Variants in EPHX4 observed in about 807,000 individuals in gnomAD.
EPHX4 encodes epoxide hydrolase 4, also known as abhydrolase domain containing 7.
EPHX4 carries 31 observed loss-of-function variants against 44.9 expected under a neutral mutation model. That is an observed-to-expected ratio of 0.69 (90% CI 0.52 to 0.93). The LOEUF is 0.93. Among genes scored for constraint, EPHX4 ranks in the 40% least tolerant of loss-of-function variants. The probability of loss-of-function intolerance (pLI) is 0.00; values close to 1 mark genes in which losing one functional copy is unlikely to be tolerated. For missense variants in EPHX4, 373 were observed against 438.1 expected (o/e 0.85, Z 1.33); for synonymous variants, 151 against 159.7 (o/e 0.95, Z 0.41).
chr1:92,063,401 A>T lies in EPHX4; in HGVS notation c.*115A>T. On this transcript the variant is annotated 3_prime_UTR_variant, in exon 7 of 7. Transcript: ENST00000370383. Reference sequence around the variant, plus strand: ...AAAAACTGTTTTAATGTGCTTTATCATAAATAAATATCCTGACAAATGGTA... The same window carrying T: ...AAAAACTGTTTTAATGTGCTTTATCTTAAATAAATATCCTGACAAATGGTA... The T allele has an allele frequency of 1.4e-6, 1 of 736,586 alleles. No individual in the cohort carries two copies. The highest frequency in any genetic ancestry group is 2.8e-5 in the East Asian group (1 of 36,346). 45.6% of individuals were successfully genotyped at this position (736,586 alleles called of 1,614,324 possible).
At position 92,033,630 on chromosome 1, in the gene EPHX4, T is replaced by G. The variant is rs1382936021; in HGVS notation, c.317+1040T>G. Among the ~76,000 whole-genome samples, 4 of 152,186 alleles carry G rather than the reference T, an allele frequency of 2.6e-5. No individual in the cohort carries two copies. The East Asian group carries it at 7.7e-4, about 29-fold the overall frequency. ...AGGATAATTTAAGTACCTAAATATT[T>G]CTCATTAGGAAGAAAATCTGGAGCC... On this transcript the variant is annotated intron_variant, in intron 2 of 6. Transcript: ENST00000370383.
chr1:92,056,783 T>C (rs1317937294), intron 6 of EPHX4, among the ~76,000 whole-genome samples: 1 of 151,962 alleles, frequency 6.6e-6, no homozygotes, highest in African/African-American at 2.4e-5. Flanking sequence ...ACCCAGCCTA[T>C]TCAAACATGT....
At chr1:92,033,474 C>A (rs1233206766) in intron 2 of EPHX4, among the ~76,000 whole-genome samples, 1 of 151,456 alleles carries the variant, frequency 6.6e-6, no homozygotes, top group African/African-American at 2.4e-5. Context: ...TTAAACAAAC[C>A]AAAGACGTGG....
chr1:92,030,492 G>GTGTGTGTGTGTGTGTGTGTGT (rs1557880299), intron 1 of EPHX4, among the ~76,000 whole-genome samples, 182 bp downstream of exon 1: 7 of 96,956 alleles, frequency 7.2e-5, no homozygotes, highest in African/African-American at 2.3e-4. Flanking sequence ...GTGTGAGAGA[G>GTGTGTGTGTGTGTGTGTGTGT]AGAGAGAGAG....
At chr1:92,031,340 C>T (rs1688357382) in intron 1 of EPHX4, among the ~76,000 whole-genome samples, 1 of 152,150 alleles carries the variant, frequency 6.6e-6, no homozygotes, top group Non-Finnish European at 1.5e-5. Flanking sequence ...TATTGAACCT[C>T]TAGGAAGCCA....
intron 2 of EPHX4, among the ~76,000 whole-genome samples, chr1:92,037,707 G>A (rs1005565581): frequency 2.6e-5 from 4 of 152,208 alleles, no homozygotes; most frequent in Non-Finnish European, 5.9e-5. Flanking sequence ...ATCTGAAAGT[G>A]TAACCTGGTA....
At position 92,060,809 on chromosome 1, in the gene EPHX4, C is replaced by G. The variant is rs559957497; in HGVS notation, c.858-2246C>G. 7.9e-5 allele frequency among the ~76,000 whole-genome samples: 12 copies of G among 152,176 alleles called. No individual in the cohort carries two copies. In the South Asian group the frequency reaches 2.5e-3, roughly 32 times the overall value. On this transcript the variant is annotated intron_variant, in intron 6 of 6. Coordinates refer to ENST00000370383, the MANE Select transcript of EPHX4 (RefSeq NM_173567.5). Reference sequence around the variant, plus strand: ...TGTGCACCGATATTGCTAAACCATGCAGATAACTGTTAGAAAATGGTTTGG... The same window carrying G: ...TGTGCACCGATATTGCTAAACCATGGAGATAACTGTTAGAAAATGGTTTGG...
Position 92,037,384 on chromosome 1 carries a change from C to T in EPHX4, c.317+4794C>T, listed in dbSNP as rs200101433. Among the ~76,000 whole-genome samples the T allele has an allele frequency of 2.6e-5, 4 of 152,180 alleles. No homozygotes were observed. The East Asian group carries it at 5.8e-4, about 22-fold the overall frequency. On this transcript the variant is annotated intron_variant, in intron 2 of 6. Coordinates refer to ENST00000370383, the MANE Select transcript of EPHX4 (RefSeq NM_173567.5). ...CAGCAACAATAAAATCCCGGGTCTTCTTAAAATCTAAAGGAAATATTAAAC... is the reference window on the plus strand; with the variant it reads ...CAGCAACAATAAAATCCCGGGTCTTTTTAAAATCTAAAGGAAATATTAAAC...
chr1:92,058,189 C>T (rs1647413665), intron 6 of EPHX4, among the ~76,000 whole-genome samples: 1 of 152,100 alleles, frequency 6.6e-6, no homozygotes, highest in Non-Finnish European at 1.5e-5. Context: ...CACCTGTAAT[C>T]CCAGCATTTT....
Position 92,032,902 on chromosome 1 carries a change from C to T in EPHX4, c.317+312C>T, listed in dbSNP as rs1190084154. 2.0e-5 allele frequency among the ~76,000 whole-genome samples: 3 copies of T among 152,092 alleles called. No individual in the cohort carries two copies. The East Asian group carries it at 5.8e-4, about 29-fold the overall frequency. ...CATGACCTAACCACCTCTTAAAGGT[C>T]CCACCTCTTAATACTGTTACAATGG... On this transcript the variant is annotated intron_variant, in intron 2 of 6. Transcript: ENST00000370383.
chr1:92,035,165 AT>A (rs892072428), intron 2 of EPHX4, among the ~76,000 whole-genome samples: 11 of 152,172 alleles, frequency 7.2e-5, no homozygotes, highest in Admixed American at 2.0e-4. Context: ...AACATAAGTC[AT>A]TTTCATGTTA....
intron 4 of EPHX4, among the ~76,000 whole-genome samples, chr1:92,046,500 G>A (rs535036762): frequency 1.2e-4 from 18 of 152,154 alleles, no homozygotes; most frequent in Admixed American, 2.6e-4. Flanking sequence ...GTCTCGCTCT[G>A]TCGCCCAGGC....
At chr1:92,030,485 T>TGTGTGTGTGTGTGTGTGTGTGTGTGA (rs1326928763) in intron 1 of EPHX4, among the ~76,000 whole-genome samples, 175 bp downstream of exon 1, 109 of 138,680 alleles carry the variant, frequency 7.9e-4, no homozygotes, top group Admixed American at 1.5e-3. Flanking sequence ...TGTGTGTGTG[T>TGTGTGTGTGTGTGTGTGTGTGTGTGA]GAGAGAGAGA....
At chr1:92,062,004 T>C (rs1647507790) in intron 6 of EPHX4, among the ~76,000 whole-genome samples, 1 of 150,572 alleles carries the variant, frequency 6.6e-6, no homozygotes, top group African/African-American at 2.4e-5. Flanking sequence ...AGCCAGGAGT[T>C]TGAGACCAGC....
At chr1:92,051,644 G>A (rs548315662) in intron 5 of EPHX4, among the ~76,000 whole-genome samples, 243 of 152,126 alleles carry the variant, frequency 1.6e-3, no homozygotes, top group Non-Finnish European at 3.1e-3. Context: ...TACTTAATAG[G>A]TGGTGCTGTG....
intron 2 of EPHX4, among the ~76,000 whole-genome samples, chr1:92,041,042 A>C (rs1688501383): frequency 6.6e-6 from 1 of 151,786 alleles, no homozygotes; most frequent in Non-Finnish European, 1.5e-5. Flanking sequence ...TTAAAAATCC[A>C]TGTCTTTTTT....
intron 4 of EPHX4, 36 bp from the exon 5 acceptor site, chr1:92,050,281 C>A: frequency 7.7e-7 from 1 of 1,303,204 alleles, no homozygotes; most frequent in Non-Finnish European, 1.1e-6. Flanking sequence ...AATTTATACC[C>A]CTTGGATAAG....
chr1:92,032,492 C>T lies in EPHX4; in HGVS notation c.232-13C>T, dbSNP rs1284601153. ...CACAAACATCACTAAAATTCCATGC[C>T]CTCTACTTTCAGGATTCAGGGTTAA... On this transcript the variant is annotated splice_polypyrimidine_tract_variant and intron_variant, in intron 1 of 6. Coordinates refer to ENST00000370383, the MANE Select transcript of EPHX4 (RefSeq NM_173567.5). 2 of 1,606,696 alleles carry T rather than the reference C, an allele frequency of 1.2e-6. No individual in the cohort carries two copies. The highest frequency in any genetic ancestry group is 1.7e-6 in the Non-Finnish European group (2 of 1,173,824).
chr1:92,060,452 A>T (rs1250790958), intron 6 of EPHX4, among the ~76,000 whole-genome samples: 1 of 151,750 alleles, frequency 6.6e-6, no homozygotes, highest in Admixed American at 6.6e-5. Context: ...AAAAAAAAAA[A>T]ATAGTTTTTA....
Sources: gnomAD v4.1 joint callset for allele counts (sites outside exome capture counted in the v4.1 genomes callset) on GRCh38, gnomAD v4.1.1 for gene constraint, MANE v1.5 for transcripts, NCBI Gene and HGNC (gene_info 2026-07-23, HGNC 2026-07-21) for gene names.